Variants in DAB1 observed in about 807,000 individuals in gnomAD.
DAB1 encodes the protein DAB adaptor protein 1.
A neutral mutation model predicts 64.6 loss-of-function variants in DAB1; 15 were observed. The observed-to-expected ratio is 0.23, with a 90% CI of 0.16 to 0.36. DAB1 has a LOEUF of 0.36. Among genes scored for constraint, DAB1 ranks in the 10% least tolerant of loss-of-function variants. DAB1 has a pLI of 1.00. For synonymous variants in DAB1, 235 were observed against 251.9 expected, an observed-to-expected ratio of 0.93 and a Z score of 0.64; for missense variants, 596 against 706.7, an observed-to-expected ratio of 0.84 and a Z score of 1.78.
At chr1:57,286,283 A>G (rs1381661192) in intron 2 of DAB1, among the ~76,000 whole-genome samples, 2 of 152,230 alleles carry the variant, frequency 1.3e-5, no homozygotes, top group Non-Finnish European at 2.9e-5. Flanking sequence ...CTCACAATAG[A>G]TGACCCAAAT....
At chr1:57,417,046 G>A (rs1684542122) in intron 1 of DAB1, among the ~76,000 whole-genome samples, 1 of 152,088 alleles carries the variant, frequency 6.6e-6, no homozygotes. Flanking sequence ...CAGTGGAATT[G>A]TTTAGGTTTG....
At chr1:57,968,691 G>C (rs1645727136) in intron 5 of DAB1, among the ~76,000 whole-genome samples, 1 of 152,138 alleles carries the variant, frequency 6.6e-6, no homozygotes, top group Non-Finnish European at 1.5e-5. Flanking sequence ...AAAAAAATGA[G>C]AGATGGGTTA....
At chr1:58,353,521 T>C (rs1644079031) in intron 3 of DAB1, among the ~76,000 whole-genome samples, 2 of 152,182 alleles carry the variant, frequency 1.3e-5, no homozygotes, top group African/African-American at 2.4e-5. Context: ...ATGGCAAGGT[T>C]AGTTAGTTGT....
chr1:57,089,155 C>A (rs201633614), intron 4 of DAB1, among the ~76,000 whole-genome samples: 2 of 152,148 alleles, frequency 1.3e-5, no homozygotes. Context: ...TGCTTAGCAT[C>A]GTGTCCAGAA....
upstream of DAB1, chr1:57,424,140 G>T (rs1685155478): frequency 6.7e-6 from 1 of 148,702 alleles, no homozygotes; most frequent in African/African-American, 2.4e-5. Flanking sequence ...TCCTCCCGCG[G>T]CCCCCCGCCC....
At chr1:58,357,743 T>G (rs537363535) in intron 3 of DAB1, among the ~76,000 whole-genome samples, 94 of 152,268 alleles carry the variant, frequency 6.2e-4, no homozygotes, top group African/African-American at 2.1e-3. Flanking sequence ...TGGTAGGTAA[T>G]GCAGGTGCTG....
chr1:57,296,713 A>G (rs938124297), intron 1 of DAB1, among the ~76,000 whole-genome samples: 3 of 152,192 alleles, frequency 2.0e-5, no homozygotes, highest in African/African-American at 7.2e-5. Flanking sequence ...CTGATGACAG[A>G]CAGACAAACA....
intron 6 of DAB1, among the ~76,000 whole-genome samples, chr1:57,679,348 A>T (rs1404477579): frequency 6.6e-6 from 1 of 152,188 alleles, no homozygotes; most frequent in Non-Finnish European, 1.5e-5. Flanking sequence ...TTATTTCAAT[A>T]ATAAGTGGGC....
chr1:57,340,403 A>G (rs1677474873), intron 1 of DAB1, among the ~76,000 whole-genome samples: 1 of 152,232 alleles, frequency 6.6e-6, no homozygotes, highest in Admixed American at 6.5e-5. Context: ...GTGAAAATCC[A>G]TTCCACTGCA....
chr1:57,654,520 A>G (rs1377527359), intron 6 of DAB1, among the ~76,000 whole-genome samples: 1 of 152,164 alleles, frequency 6.6e-6, no homozygotes, highest in African/African-American at 2.4e-5. Context: ...TTCTATACTA[A>G]ATTTGTTTGC....
intron 5 of DAB1, among the ~76,000 whole-genome samples, chr1:58,122,054 C>T (rs1652773083): frequency 1.3e-5 from 2 of 152,152 alleles, no homozygotes; most frequent in African/African-American, 4.8e-5. Context: ...ACACGGAAGA[C>T]AAATGGGACT....
At chr1:57,358,843 T>C (rs1679328652) in intron 1 of DAB1, among the ~76,000 whole-genome samples, 1 of 152,038 alleles carries the variant, frequency 6.6e-6, no homozygotes, top group African/African-American at 2.4e-5. Context: ...AGCCAACTTC[T>C]TTTCAACAAA....
In DAB1 at chr1:58,439,077, T is replaced by C. The variant is rs1412497004; in HGVS notation, n.257+66983A>G. 2.0e-5 allele frequency among the ~76,000 whole-genome samples: 3 copies of C among 150,562 alleles called. No individual in the cohort carries two copies. In the East Asian group the frequency reaches 5.9e-4, roughly 30 times the overall value. On this transcript the variant is annotated intron_variant and non_coding_transcript_variant, in intron 3 of 20. Coordinates refer to the DAB1 transcript ENST00000485760. Reference sequence around the variant, plus strand: ...GTCTATATCCCAAGCAGCAGAGATATCGTTCCCCACCCACCCACCCACCCA... The same window carrying C: ...GTCTATATCCCAAGCAGCAGAGATACCGTTCCCCACCCACCCACCCACCCA...
chr1:58,481,275 T>C (rs338224), intron 3 of DAB1: 158,021 of 434,336 alleles, frequency 0.36, 32,321 homozygotes, highest in African/African-American at 0.68. Flanking sequence ...ACAAAGAATG[T>C]ATTGTTATTT....
intron 4 of DAB1, among the ~76,000 whole-genome samples, chr1:58,287,886 G>T (rs1469066570): frequency 6.6e-6 from 1 of 151,766 alleles, no homozygotes; most frequent in Non-Finnish European, 1.5e-5. Flanking sequence ...ACTGGGTGTG[G>T]TAATGCCCAC....
chr1:57,698,815 G>A (rs1646875776), intron 6 of DAB1, among the ~76,000 whole-genome samples: 1 of 152,134 alleles, frequency 6.6e-6, no homozygotes. Context: ...AACAACATGT[G>A]ATATCTTCAA....
At chr1:57,160,679 T>C (rs1213426073) in intron 2 of DAB1, among the ~76,000 whole-genome samples, 2 of 152,182 alleles carry the variant, frequency 1.3e-5, no homozygotes, top group East Asian at 1.9e-4. Flanking sequence ...GGGTAATGAA[T>C]GAGAAAGGAC....
At chr1:57,669,906 A>G (rs1646490778) in intron 6 of DAB1, among the ~76,000 whole-genome samples, 1 of 152,168 alleles carries the variant, frequency 6.6e-6, no homozygotes, top group African/African-American at 2.4e-5. Context: ...GGAATTCAGG[A>G]TTTACTAGAA....
intron 1 of DAB1, among the ~76,000 whole-genome samples, chr1:57,366,280 C>T (rs187279694): frequency 6.6e-6 from 1 of 152,342 alleles, no homozygotes; most frequent in East Asian, 1.9e-4. Flanking sequence ...ACATAAGCTA[C>T]AAATATGCTT....
Sources: gnomAD v4.1 joint callset for allele counts (sites outside exome capture counted in the v4.1 genomes callset) on GRCh38, gnomAD v4.1.1 for gene constraint, MANE v1.5 for transcripts, NCBI Gene and HGNC (gene_info 2026-07-23, HGNC 2026-07-21) for gene names.